ITGA8: variants seen among roughly 807,000 people sequenced by gnomAD.
The protein encoded by ITGA8 is integrin alpha-8.
A neutral mutation model predicts 142.3 loss-of-function variants in ITGA8; 91 were observed. That is an observed-to-expected ratio of 0.64 (90% CI 0.54 to 0.76). The LOEUF (loss-of-function observed/expected upper bound fraction) is 0.76. ITGA8 is among the 30% of genes least tolerant of loss of function. The pLI, the probability that ITGA8 is intolerant of heterozygous loss-of-function variation, is 0.00. For missense variants in ITGA8, 1,406 were observed against 1,327.7 expected (o/e 1.06, Z -0.92); for synonymous variants, 505 against 485.2 (o/e 1.04, Z -0.54).
chr10:15,609,775 T>C (rs1370407736), intron 15 of ITGA8, among the ~76,000 whole-genome samples: 2 of 152,230 alleles, frequency 1.3e-5, no homozygotes, highest in African/African-American at 4.8e-5. Context: ...CATCTTTAAC[T>C]GTGTAGACCA....
chr10:15,605,110 A>T (rs577735215), intron 19 of ITGA8, among the ~76,000 whole-genome samples: 9 of 152,254 alleles, frequency 5.9e-5, no homozygotes, highest in African/African-American at 2.2e-4. Context: ...AAGAAACACA[A>T]ATCTGTTTCT....
rs1832957386 is a variant in ITGA8 at position 15,516,099 on chromosome 10, T to G, written c.*1059A>C. 1 of 152,196 alleles carries G rather than the reference T, an allele frequency of 6.6e-6. No homozygotes were observed. Among genetic ancestry groups the G allele is most frequent in the Non-Finnish European group, 1.5e-5 (1 of 68,032 alleles). The allele number at this position is 152,196 out of a possible 1,614,324, so 9.4% of individuals were successfully genotyped here. On this transcript the variant is annotated 3_prime_UTR_variant, in exon 30 of 30. Coordinates refer to ENST00000378076, the MANE Select transcript of ITGA8 (RefSeq NM_003638.3). ...CGGGTATTTAATCCCAAGCTAAATA[T>G]CTATAAGAAGTGTTGCTTCTTATAG...
At chr10:15,549,132 C>T (rs529863544) in intron 26 of ITGA8, among the ~76,000 whole-genome samples, 2 of 150,974 alleles carry the variant, frequency 1.3e-5, no homozygotes, top group South Asian at 2.1e-4. Context: ...GTGTGTTCCT[C>T]AAAAGGATTC....
intron 2 of ITGA8, among the ~76,000 whole-genome samples, chr10:15,718,355 C>A (rs867392896): frequency 4.6e-5 from 7 of 152,140 alleles, no homozygotes; most frequent in Middle Eastern, 3.2e-3. Context: ...TCCTGCCTCC[C>A]GAGCTTGGGC....
chr10:15,717,484 T>A (rs1835475513), intron 2 of ITGA8, among the ~76,000 whole-genome samples: 1 of 152,174 alleles, frequency 6.6e-6, no homozygotes, highest in South Asian at 2.1e-4. Flanking sequence ...AAATAACTAA[T>A]TAAAAGATTT....
intron 20 of ITGA8, among the ~76,000 whole-genome samples, chr10:15,598,045 A>G (rs1833037826): frequency 6.6e-6 from 1 of 152,150 alleles, no homozygotes; most frequent in South Asian, 2.1e-4. Flanking sequence ...CCAGTTGCTC[A>G]GAAACCCACC....
chr10:15,682,853 CA>C (rs3048323), intron 4 of ITGA8, among the ~76,000 whole-genome samples: 15,078 of 120,046 alleles, frequency 0.13, 807 homozygotes, highest in African/African-American at 0.18. Context: ...GACCCTGTCT[CA>C]AAAAAAAAAA....
intron 13 of ITGA8, among the ~76,000 whole-genome samples, chr10:15,640,916 A>G (rs1833859509): frequency 6.6e-6 from 1 of 152,214 alleles, no homozygotes; most frequent in South Asian, 2.1e-4. Flanking sequence ...AAAGGCCACA[A>G]GGGACTGAGC....
chr10:15,534,376 C>T (rs966754442), intron 27 of ITGA8, among the ~76,000 whole-genome samples: 5 of 152,186 alleles, frequency 3.3e-5, no homozygotes. Flanking sequence ...TATTACTTTT[C>T]TCCCCAACTA....
chr10:15,668,865 A>G (rs370403861), intron 8 of ITGA8, among the ~76,000 whole-genome samples: 1 of 152,188 alleles, frequency 6.6e-6, no homozygotes, highest in Non-Finnish European at 1.5e-5. Flanking sequence ...TCTTCTGGCT[A>G]GTAGAGTTTC....
intron 27 of ITGA8, among the ~76,000 whole-genome samples, chr10:15,536,957 G>T (rs1051443257): frequency 6.6e-6 from 1 of 152,088 alleles, no homozygotes; most frequent in African/African-American, 2.4e-5. Flanking sequence ...TATGTAGCCC[G>T]TTTTGAAATA....
At chr10:15,540,182 C>T (rs7896894) in intron 27 of ITGA8, among the ~76,000 whole-genome samples, 8,324 of 152,196 alleles carry the variant, frequency 0.055, 723 homozygotes, top group African/African-American at 0.19. Context: ...TTGAAATAGA[C>T]AATAAATTAT....
At chr10:15,700,280 C>T (rs1192696377) in intron 2 of ITGA8, among the ~76,000 whole-genome samples, 1 of 152,142 alleles carries the variant, frequency 6.6e-6, no homozygotes, top group African/African-American at 2.4e-5. Flanking sequence ...CTGACTTGGC[C>T]CAAGGGACCA....
intron 2 of ITGA8, among the ~76,000 whole-genome samples, chr10:15,710,963 C>T (rs1207961348): frequency 6.6e-6 from 1 of 152,100 alleles, no homozygotes; most frequent in Non-Finnish European, 1.5e-5. Context: ...AAATTTATGT[C>T]CTTATGTCAA....
At chr10:15,557,997 G>T in intron 26 of ITGA8, 77 bp downstream of exon 26, 1 of 1,550,136 alleles carries the variant, frequency 6.5e-7, no homozygotes, top group Non-Finnish European at 8.9e-7. Context: ...AATCCTTGAA[G>T]TTAAAACTAT....
intron 2 of ITGA8, among the ~76,000 whole-genome samples, chr10:15,696,395 T>C (rs1835053129): frequency 6.6e-6 from 1 of 152,022 alleles, no homozygotes; most frequent in Admixed American, 6.5e-5. Context: ...ATATATGTAA[T>C]ATGTAAGAGT....
At chr10:15,704,048 A>G (rs891105030) in intron 2 of ITGA8, among the ~76,000 whole-genome samples, 4 of 152,344 alleles carry the variant, frequency 2.6e-5, no homozygotes, top group Non-Finnish European at 5.9e-5. Context: ...TAACCCCATT[A>G]ACCAAGCCAG....
chr10:15,666,089 A>G (rs1834386535), intron 8 of ITGA8, among the ~76,000 whole-genome samples: 1 of 152,198 alleles, frequency 6.6e-6, no homozygotes, highest in Non-Finnish European at 1.5e-5. Context: ...ATGGCATTGA[A>G]TCTATAAATT....
At chr10:15,662,784 T>C (rs980450665) in intron 8 of ITGA8, among the ~76,000 whole-genome samples, 4 of 152,208 alleles carry the variant, frequency 2.6e-5, no homozygotes, top group African/African-American at 7.2e-5. Context: ...ATTGAACTCA[T>C]AGTTGGTGAG....
Sources: allele counts gnomAD v4.1 joint callset (sites outside exome capture counted in the v4.1 genomes callset), GRCh38; gene constraint gnomAD v4.1.1; transcripts MANE v1.5; gene names NCBI Gene and HGNC (gene_info 2026-07-23, HGNC 2026-07-21).